The following PTGER4 variants were observed in gnomAD, a reference collection of about 807,000 sequenced individuals.
PTGER4 encodes prostaglandin E2 receptor EP4 subtype.
In PTGER4, 11 loss-of-function variants were observed where a neutral mutation model predicts 33.2. The observed-to-expected ratio is 0.33, with a 90% confidence interval of 0.21 to 0.55. The LOEUF (loss-of-function observed/expected upper bound fraction) is 0.55. Ranked by LOEUF, PTGER4 falls within the 20% of genes least tolerant of loss-of-function variation. PTGER4 has a pLI of 0.92. For missense variants in PTGER4, 481 were observed against 650.2 expected, an observed-to-expected ratio of 0.74 and a Z score of 2.83; for synonymous variants, 275 against 281.5, an observed-to-expected ratio of 0.98 and a Z score of 0.23.
At chr5:40,716,510 G>T in the PTGER4 span, 1 of 1,557,668 alleles carries the variant, frequency 6.4e-7, no homozygotes. Flanking sequence ...TAGAAAATAA[G>T]GTCAGAGTTT....
the PTGER4 span, chr5:40,715,628 A>T: frequency 1.3e-5 from 2 of 152,566 alleles, no homozygotes; most frequent in African/African-American, 4.8e-5. Context: ...ACTTTCAAAG[A>T]TTCCACATAT....
chr5:40,735,845 A>G, the PTGER4 span, among the ~76,000 whole-genome samples: 7 of 152,148 alleles, frequency 4.6e-5, no homozygotes, highest in African/African-American at 1.7e-4. Flanking sequence ...ATTTGACAAC[A>G]TGGAGGTCAC....
chr5:40,744,866 T>C, the PTGER4 span, among the ~76,000 whole-genome samples: 1 of 152,212 alleles, frequency 6.6e-6, no homozygotes, highest in African/African-American at 2.4e-5. Context: ...ACAATGTCTT[T>C]CTAATGGCTG....
chr5:40,716,464 T>C, the PTGER4 span: 1 of 1,612,238 alleles, frequency 6.2e-7, no homozygotes, highest in Non-Finnish European at 8.5e-7. Flanking sequence ...GTTCATTGGA[T>C]AGATGTGAAG....
chr5:40,741,654 TTC>T, the PTGER4 span, among the ~76,000 whole-genome samples: 1 of 152,170 alleles, frequency 6.6e-6, no homozygotes, highest in Non-Finnish European at 1.5e-5. Flanking sequence ...TGGTTTCCTC[TTC>T]TGTGTGCCCA....
At chr5:40,685,079 A>G (rs951605976) in intron 2 of PTGER4, among the ~76,000 whole-genome samples, 2 of 152,172 alleles carry the variant, frequency 1.3e-5, no homozygotes, top group Non-Finnish European at 2.9e-5. Flanking sequence ...CAGTTACTAT[A>G]GGGTTTCGAA....
chr5:40,688,617 A>C (rs2111804843), intron 2 of PTGER4, among the ~76,000 whole-genome samples: 1 of 152,346 alleles, frequency 6.6e-6, no homozygotes, highest in Non-Finnish European at 1.5e-5. Context: ...TAAGTTCCTC[A>C]AAACCTCTGG....
At chr5:40,711,587 A>G in the PTGER4 span, among the ~76,000 whole-genome samples, 1 of 152,152 alleles carries the variant, frequency 6.6e-6, no homozygotes, top group Non-Finnish European at 1.5e-5. Context: ...TGTGATTTAT[A>G]TATATAGCAG....
chr5:40,683,457 T>G lies in PTGER4; in HGVS notation c.867+1597T>G, dbSNP rs1741247404. 6.6e-6 allele frequency among the ~76,000 whole-genome samples: 1 copy of G among 152,172 alleles called. No homozygotes were observed. The highest frequency in any genetic ancestry group is 2.4e-5 in the African/African-American group (1 of 41,434). ...AATGGCAACCTAGAATAAAGTGAGA[T>G]TTTGGAAGAAACAACACTGCTCCTG... On this transcript the variant is annotated intron_variant, in intron 2 of 2. Coordinates refer to ENST00000302472, the MANE Select transcript of PTGER4 (RefSeq NM_000958.3). This position sits in a 1 kb window ranked among gnomAD's most constrained non-coding sequence, Gnocchi z 4.2.
the PTGER4 span, among the ~76,000 whole-genome samples, chr5:40,721,099 G>T: frequency 6.6e-6 from 1 of 152,108 alleles, no homozygotes; most frequent in Non-Finnish European, 1.5e-5. Flanking sequence ...GGGAAGAAAA[G>T]AATTGGTCCA....
chr5:40,712,912 C>T, the PTGER4 span, among the ~76,000 whole-genome samples: 2 of 152,058 alleles, frequency 1.3e-5, no homozygotes, highest in African/African-American at 4.8e-5. Context: ...CTTCTTCTTC[C>T]GAAGTAACCA....
In PTGER4 at chr5:40,693,270, T is replaced by G; in HGVS notation, c.*892T>G. Reference sequence around the variant, plus strand: ...ACTTTTAAAAACATAACATAAATTTTTTGAAGTCTTTAATAAATAACCCAT... The same window carrying G: ...ACTTTTAAAAACATAACATAAATTTGTTGAAGTCTTTAATAAATAACCCAT... On this transcript the variant is annotated 3_prime_UTR_variant, in exon 3 of 3. Coordinates refer to ENST00000302472, the MANE Select transcript of PTGER4 (RefSeq NM_000958.3). The G allele has an allele frequency of 1.0e-6, 1 of 977,966 alleles. No individual in the cohort carries two copies. Among genetic ancestry groups the G allele is most frequent in the Non-Finnish European group, 1.2e-6 (1 of 822,862 alleles). The allele number at this position is 977,966 out of a possible 1,614,324, so 60.6% of individuals were successfully genotyped here.
chr5:40,686,187 T>C (rs1163361046), intron 2 of PTGER4, among the ~76,000 whole-genome samples: 1 of 152,224 alleles, frequency 6.6e-6, no homozygotes, highest in African/African-American at 2.4e-5. Context: ...ATAATTCCTT[T>C]TATGTGCTTG....
chr5:40,691,898 T>C lies in PTGER4; in HGVS notation c.987T>C (p.Tyr329=), dbSNP rs1307061435. The part of the protein sequence containing the change: ...SVNPILDPWI[Y]ILLRKTVLSK... ...ACCCCATCCTAGACCCCTGGATATA[T>C]ATCCTCCTGAGAAAGACAGTGCTCA... is the stretch of plus-strand genomic sequence containing the variant. Residue 329 remains tyrosine (Y), a synonymous_variant, in exon 3 of 3, where the codon TAT becomes TAC. Coordinates refer to ENST00000302472, the MANE Select transcript of PTGER4 (RefSeq NM_000958.3). This position sits in a 1 kb window ranked among gnomAD's most constrained non-coding sequence, Gnocchi z 4.2. 1 of 1,614,126 alleles carries C rather than the reference T, an allele frequency of 6.2e-7. No individual in the cohort carries two copies. The highest frequency in any genetic ancestry group is 1.7e-5 in the Admixed American group (1 of 60,014).
At position 40,680,839 on chromosome 5, in the gene PTGER4, T is replaced by G. The variant is rs976120236; in HGVS notation, c.-43-112T>G. 2.1e-6 allele frequency: 2 copies of G among 974,438 alleles called. No individual in the cohort carries two copies. The highest frequency in any genetic ancestry group is 1.7e-5 in the South Asian group (1 of 60,052). The allele number at this position is 974,438 out of a possible 1,614,324, so 60.4% of individuals were successfully genotyped here. A position where few individuals can be genotyped will look rare whatever the true frequency, so the allele number is the denominator to read the frequency against. On this transcript the variant is annotated intron_variant, in intron 1 of 2. Coordinates refer to ENST00000302472, the MANE Select transcript of PTGER4 (RefSeq NM_000958.3). This position sits in a 1 kb window ranked among gnomAD's most constrained non-coding sequence, Gnocchi z 5.5. The stretch of plus-strand genomic sequence containing the variant: ...AGTGGCTACAATCCAGAAAGTAGGA[T>G]CGAGTTGCTCCCCTTGTCTTATCAG...
the PTGER4 span, among the ~76,000 whole-genome samples, chr5:40,699,862 A>G: frequency 1.1e-3 from 164 of 152,294 alleles, 1 homozygote; most frequent in East Asian, 0.026. Context: ...AAAAATCTAC[A>G]TCAATCTTCA....
downstream of PTGER4, among the ~76,000 whole-genome samples, chr5:40,697,291 AAAG>A (rs1470868227): frequency 1.4e-5 from 2 of 145,516 alleles, no homozygotes; most frequent in African/African-American, 4.9e-5. Flanking sequence ...AGAAAGAAAG[AAAG>A]AAAAAGAAAG....
chr5:40,712,619 A>C, the PTGER4 span, among the ~76,000 whole-genome samples: 1 of 152,204 alleles, frequency 6.6e-6, no homozygotes, highest in East Asian at 1.9e-4. Context: ...CTTTCACTGC[A>C]AGGTTCACAA....
chr5:40,728,494 C>G, the PTGER4 span: 61 of 1,573,416 alleles, frequency 3.9e-5, no homozygotes, highest in Non-Finnish European at 5.2e-5. Context: ...CAAAAAAAGA[C>G]CAAAAAATCT....
Sources: gnomAD v4.1 joint callset for allele counts (sites outside exome capture counted in the v4.1 genomes callset) on GRCh38, gnomAD v4.1.1 for gene constraint, Gnocchi (gnomAD v3.1) non-coding constraint, MANE v1.5 for transcripts, NCBI Gene and HGNC (gene_info 2026-07-23, HGNC 2026-07-21) for gene names.